CHKA: variants seen among roughly 807,000 people sequenced by gnomAD.
The protein encoded by CHKA is CHETK-alpha.
CHKA carries 34 observed loss-of-function variants against 60.1 expected under a neutral mutation model. The ratio of observed to expected loss-of-function variants is 0.57; its 90% CI spans 0.43 to 0.75. The LOEUF is 0.75. Among genes scored for constraint, CHKA ranks in the 30% least tolerant of loss-of-function variants. CHKA has a pLI of 0.00. For synonymous variants in CHKA, 217 were observed against 223.1 expected, an observed-to-expected ratio of 0.97 and a Z score of 0.24; for missense variants, 563 against 561.3, an observed-to-expected ratio of 1.00 and a Z score of -0.03.
At chr11:68,055,453 T>G (rs961971043) in intron 11 of CHKA, among the ~76,000 whole-genome samples, 1 of 152,176 alleles carries the variant, frequency 6.6e-6, no homozygotes, top group African/African-American at 2.4e-5. Flanking sequence ...GGTGTGGAAT[T>G]TGTTTTCATT....
intron 11 of CHKA, among the ~76,000 whole-genome samples, chr11:68,059,474 GT>G (rs1246054525): frequency 6.6e-6 from 1 of 152,016 alleles, no homozygotes; most frequent in Admixed American, 6.5e-5. Context: ...TTTTGCCAAT[GT>G]TTTGATAGGG....
intron 2 of CHKA, among the ~76,000 whole-genome samples, chr11:68,089,495 G>T (rs146797484): frequency 6.6e-6 from 1 of 152,290 alleles, no homozygotes; most frequent in East Asian, 1.9e-4. Context: ...GAAGTGATAT[G>T]AAGGAAGAAC....
intron 1 of CHKA, among the ~76,000 whole-genome samples, chr11:68,109,908 C>T (rs1210349413): frequency 2.0e-5 from 3 of 152,082 alleles, no homozygotes; most frequent in African/African-American, 4.8e-5. Flanking sequence ...GCCGAGGTCA[C>T]GCCACTGCAC....
chr11:68,096,920 A>G, intron 2 of CHKA, 99 bp downstream of exon 2: 9 of 718,620 alleles, frequency 1.3e-5, no homozygotes, highest in Non-Finnish European at 2.0e-5. Flanking sequence ...CTTTAGTAAC[A>G]CCATTAAAGT....
At chr11:68,116,746 G>A (rs1858398322) in intron 1 of CHKA, among the ~76,000 whole-genome samples, 1 of 151,914 alleles carries the variant, frequency 6.6e-6, no homozygotes, top group Non-Finnish European at 1.5e-5. Flanking sequence ...GAAAGAAAAT[G>A]CTAATAACAT....
intron 9 of CHKA, 94 bp from the exon 10 acceptor site, chr11:68,064,725 G>C: frequency 4.2e-6 from 3 of 709,822 alleles, no homozygotes; most frequent in Non-Finnish European, 7.2e-6. Flanking sequence ...GTGACACACT[G>C]GGAGACACAC....
At chr11:68,103,024 A>G (rs1039397231) in intron 1 of CHKA, among the ~76,000 whole-genome samples, 1 of 151,854 alleles carries the variant, frequency 6.6e-6, no homozygotes, top group Non-Finnish European at 1.5e-5. Context: ...CTATATTCCC[A>G]GCTTGGGAGG....
intron 1 of CHKA, among the ~76,000 whole-genome samples, chr11:68,119,520 A>G (rs573555877): frequency 5.7e-4 from 87 of 152,338 alleles, no homozygotes; most frequent in Non-Finnish European, 3.8e-4. Flanking sequence ...CAAAGGCTGG[A>G]GTGCAGTGGC....
rs112023508 is a variant in CHKA, at chr11:68,098,573, G to C, written c.351-1443C>G. Among the ~76,000 whole-genome samples the C allele has an allele frequency of 3.2e-3, 483 of 152,246 alleles. 2 individuals carry two copies. The highest frequency in any genetic ancestry group is 0.011 in the African/African-American group (450 of 41,524). On this transcript the variant is annotated intron_variant, in intron 1 of 11. Coordinates refer to ENST00000265689, the MANE Select transcript of CHKA (RefSeq NM_001277.3). ...GGGAAGACGACAACATTCTGGAGAC[G>C]GATGGTGGTGATGGCAGCACAACAA... is the stretch of plus-strand genomic sequence containing the variant.
At position 68,095,731 on chromosome 11, in the gene CHKA, AAAAC is replaced by A. The variant is rs1422121050; in HGVS notation, c.462+1284_462+1287del. ...CGCAAAAAAAAAAAAAAAAAAAAAA[AAAAC>A]AACAGGTATCAAAATCCTACCACAG... On this transcript the variant is annotated intron_variant, in intron 2 of 11. Coordinates refer to ENST00000265689, the MANE Select transcript of CHKA (RefSeq NM_001277.3). Among the ~76,000 whole-genome samples, 30 of 144,138 alleles carry A rather than the reference AAAAC, an allele frequency of 2.1e-4. 5 individuals are homozygous for A. Among genetic ancestry groups the A allele is most frequent in the African/African-American group, 7.3e-4 (28 of 38,486 alleles). 94.6% of individuals were successfully genotyped at this position (144,138 alleles called of 152,430 possible). A position where few individuals can be genotyped will look rare whatever the true frequency, so the allele number is the denominator to read the frequency against.
At chr11:68,088,714 AT>A (rs200447423) in intron 2 of CHKA, among the ~76,000 whole-genome samples, 3 of 148,316 alleles carry the variant, frequency 2.0e-5, no homozygotes, top group Admixed American at 6.8e-5. Flanking sequence ...ATGAAAAAAA[AT>A]GAAATCATCC....
intron 1 of CHKA, among the ~76,000 whole-genome samples, chr11:68,114,960 C>T (rs137978447): frequency 6.6e-6 from 1 of 152,218 alleles, no homozygotes; most frequent in Non-Finnish European, 1.5e-5. Context: ...CAGATGGTCT[C>T]CAACTTATGA....
chr11:68,095,312 A>T (rs1857462711), intron 2 of CHKA, among the ~76,000 whole-genome samples: 1 of 139,760 alleles, frequency 7.2e-6, no homozygotes, highest in Admixed American at 7.8e-5. Flanking sequence ...CTGAGGCAGG[A>T]GAATGGCGTG....
intron 2 of CHKA, among the ~76,000 whole-genome samples, chr11:68,083,966 C>T (rs538851119): frequency 2.0e-5 from 3 of 151,252 alleles, no homozygotes; most frequent in African/African-American, 4.9e-5. Context: ...ATTTTGGGGC[C>T]GGCGGGGGTG....
chr11:68,068,835 T>A, intron 7 of CHKA, 44 bp downstream of exon 7: 1 of 1,380,490 alleles, frequency 7.2e-7, no homozygotes. Context: ...ATTTTCTAAG[T>A]ATGCACACAA....
At chr11:68,112,308 G>A (rs897587023) in intron 1 of CHKA, among the ~76,000 whole-genome samples, 3 of 151,640 alleles carry the variant, frequency 2.0e-5, no homozygotes, top group Non-Finnish European at 4.4e-5. Flanking sequence ...ACAGTCTGGA[G>A]TGCAGTGCCG....
At chr11:68,095,626 G>A (rs1480598095) in intron 2 of CHKA, among the ~76,000 whole-genome samples, 4 of 129,902 alleles carry the variant, frequency 3.1e-5, no homozygotes, top group Non-Finnish European at 4.8e-5. Flanking sequence ...GGAGAATGGC[G>A]TGAACCCGGG....
chr11:68,117,837 G>A (rs922714878), intron 1 of CHKA, among the ~76,000 whole-genome samples: 1 of 152,170 alleles, frequency 6.6e-6, no homozygotes, highest in African/African-American at 2.4e-5. Context: ...AGATCCTAAG[G>A]CACCTCCTGT....
At chr11:68,118,015 G>A (rs891598064) in intron 1 of CHKA, among the ~76,000 whole-genome samples, 8 of 152,318 alleles carry the variant, frequency 5.3e-5, no homozygotes, top group Non-Finnish European at 1.0e-4. Context: ...AACGCAGAGC[G>A]AAAGCAGAAG....
Sources: gnomAD v4.1 joint callset for allele counts (sites outside exome capture counted in the v4.1 genomes callset) on GRCh38, gnomAD v4.1.1 for gene constraint, MANE v1.5 for transcripts, NCBI Gene and HGNC (gene_info 2026-07-23, HGNC 2026-07-21) for gene names.